Variants in KIRREL3 observed in about 807,000 individuals in gnomAD.
The protein encoded by KIRREL3 is kirre like nephrin family adhesion molecule 3.
KIRREL3 carries 36 observed loss-of-function variants against 89.7 expected under a neutral mutation model. That is an observed-to-expected ratio of 0.40 (90% CI 0.31 to 0.53). The LOEUF is 0.53. Among genes scored for constraint, KIRREL3 ranks in the 20% least tolerant of loss-of-function variants. The pLI is 0.49. For missense variants in KIRREL3, 864 were observed against 1,056.6 expected, an observed-to-expected ratio of 0.82 and a Z score of 2.53; for synonymous variants, 445 against 441.4, an observed-to-expected ratio of 1.01 and a Z score of -0.10.
At chr11:126,951,492 G>A (rs1240374698) in intron 1 of KIRREL3, among the ~76,000 whole-genome samples, 2 of 152,172 alleles carry the variant, frequency 1.3e-5, no homozygotes, top group Non-Finnish European at 2.9e-5. Context: ...GTATCAGGAG[G>A]AGATTATCGG....
rs1161353046 is a variant in KIRREL3, at chr11:126,515,279, C to CA, written c.433+6035dup. Among the ~76,000 whole-genome samples, 1 of 150,996 alleles carries CA rather than the reference C, an allele frequency of 6.6e-6. No homozygotes were observed. ...TCTACAAAAACAAAACAGAACAAAA[C>CA]AAAAAAACAAACAAACAAAAATTAG... On this transcript the variant is annotated intron_variant, in intron 4 of 16. Coordinates refer to ENST00000525144, the MANE Select transcript of KIRREL3 (RefSeq NM_032531.4). The surrounding 1 kb of genome is among the most constrained non-coding windows in gnomAD (Gnocchi z 4.2).
Position 126,624,474 on chromosome 11 carries a change from A to G in KIRREL3, c.56-61562T>C, listed in dbSNP as rs1214652917. Among the ~76,000 whole-genome samples, 4 of 152,202 alleles carry G rather than the reference A, an allele frequency of 2.6e-5. No individual in the cohort carries two copies. The highest frequency in any genetic ancestry group is 4.1e-4 in the South Asian group (2 of 4,836). ...TGGAAAGACCAAGAATTTGTGGTTCATTTCTAGCAGGTGAACAAATGTATG... is the reference window on the plus strand; with the variant it reads ...TGGAAAGACCAAGAATTTGTGGTTCGTTTCTAGCAGGTGAACAAATGTATG... On this transcript the variant is annotated intron_variant, in intron 1 of 16. Transcript: ENST00000525144. This position sits in a 1 kb window ranked among gnomAD's most constrained non-coding sequence, Gnocchi z 6.0.
chr11:126,582,159 C>T (rs1047772802), intron 1 of KIRREL3, among the ~76,000 whole-genome samples: 12 of 152,186 alleles, frequency 7.9e-5, no homozygotes, highest in Non-Finnish European at 1.0e-4. Context: ...CTGAGCCAAT[C>T]GTGGAGCCTC....
chr11:126,678,599 C>CAAAAAAAAAAAAA (rs59342253), intron 1 of KIRREL3, among the ~76,000 whole-genome samples: 694 of 50,042 alleles, frequency 0.014, 105 homozygotes, highest in Non-Finnish European at 0.016. Flanking sequence ...GACTCTGTCT[C>CAAAAAAAAAAAAA]AAAAAAAAAA....
Position 126,429,323 on chromosome 11 carries a change from T to G in KIRREL3, c.1697-35A>C. Reference sequence around the variant, plus strand: ...AAATAGTAAAGTGTAGATGATAGATTTAGTTCTTACCTTTGAGATGTCAAG... The same window carrying G: ...AAATAGTAAAGTGTAGATGATAGATGTAGTTCTTACCTTTGAGATGTCAAG... On this transcript the variant is annotated intron_variant, in intron 14 of 16. Coordinates refer to ENST00000525144, the MANE Select transcript of KIRREL3 (RefSeq NM_032531.4). This position sits in a 1 kb window ranked among gnomAD's most constrained non-coding sequence, Gnocchi z 5.2. 6.8e-7 allele frequency: 1 copy of G among 1,473,462 alleles called. No individual in the cohort carries two copies. The allele number at this position is 1,473,462 out of a possible 1,614,324, so 91.3% of individuals were successfully genotyped here. A position where few individuals can be genotyped will look rare whatever the true frequency, so the allele number is the denominator to read the frequency against.
intron 1 of KIRREL3, among the ~76,000 whole-genome samples, chr11:126,701,363 A>G (rs906812986): frequency 6.6e-6 from 1 of 152,122 alleles, no homozygotes; most frequent in Non-Finnish European, 1.5e-5. Flanking sequence ...GGATTCTCTC[A>G]GTCTTGGTGA....
rs1947655727 is a variant in KIRREL3 at position 126,709,115 on chromosome 11, C to T, written c.56-146203G>A. On this transcript the variant is annotated intron_variant, in intron 1 of 16. Coordinates refer to ENST00000525144, the MANE Select transcript of KIRREL3 (RefSeq NM_032531.4). The surrounding 1 kb of genome is among the most constrained non-coding windows in gnomAD (Gnocchi z 4.0). ...GGAGAGCCTACACTGTGCTGGGTCA[C>T]TGTGTTACGCTATGTGCTTGTTTCA... Among the ~76,000 whole-genome samples, 1 of 152,208 alleles carries T rather than the reference C, an allele frequency of 6.6e-6. No individual in the cohort carries two copies. Among genetic ancestry groups the T allele is most frequent in the Non-Finnish European group, 1.5e-5 (1 of 68,048 alleles).
At chr11:126,821,347 A>ATATATATATATATATATATATATATATG (rs1344371968) in intron 1 of KIRREL3, among the ~76,000 whole-genome samples, 8 of 115,926 alleles carry the variant, frequency 6.9e-5, no homozygotes, top group African/African-American at 2.4e-4. Context: ...ATATATATAT[A>ATATATATATATATATATATATATATATG]TATATGTAAC....
intron 10 of KIRREL3, among the ~76,000 whole-genome samples, chr11:126,442,852 T>A (rs1166634950): frequency 6.6e-6 from 1 of 152,204 alleles, no homozygotes; most frequent in Non-Finnish European, 1.5e-5. Flanking sequence ...TTTGCTTCCC[T>A]CCAATCCCTC....
intron 6 of KIRREL3, among the ~76,000 whole-genome samples, chr11:126,460,918 T>G (rs368400094): frequency 1.3e-5 from 2 of 152,230 alleles, no homozygotes; most frequent in Non-Finnish European, 2.9e-5. Flanking sequence ...ACAGGCCTCC[T>G]GATCAGGTTG....
At chr11:126,913,334 C>T (rs1592341455) in intron 1 of KIRREL3, among the ~76,000 whole-genome samples, 4 of 152,226 alleles carry the variant, frequency 2.6e-5, no homozygotes, top group Admixed American at 2.6e-4. Flanking sequence ...GGCTATTTAA[C>T]CTCCTCATCA....
chr11:126,658,746 C>T (rs1373920259), intron 1 of KIRREL3, among the ~76,000 whole-genome samples: 1 of 152,186 alleles, frequency 6.6e-6, no homozygotes, highest in African/African-American at 2.4e-5. Context: ...CTTCCACTTC[C>T]TGCTCCTCCG....
rs1298665410 is a variant in KIRREL3, at chr11:126,755,880, G to GAC, written c.56-192969_56-192968insGT. 1.3e-5 allele frequency among the ~76,000 whole-genome samples: 2 copies of GAC among 148,574 alleles called. No homozygotes were observed. The highest frequency in any genetic ancestry group is 2.5e-5 in the African/African-American group (1 of 39,758). On this transcript the variant is annotated intron_variant, in intron 1 of 16. Transcript: ENST00000525144. The surrounding 1 kb of genome is among the most constrained non-coding windows in gnomAD (Gnocchi z 4.3). The stretch of plus-strand genomic sequence containing the variant: ...GGGAGAGAGGGAGAGAGAAAAAACA[G>GAC]AGAGAGAGAGAGAGAGAGAAGACTG...
At chr11:126,838,106 G>C (rs1314185703) in intron 1 of KIRREL3, among the ~76,000 whole-genome samples, 1 of 152,118 alleles carries the variant, frequency 6.6e-6, no homozygotes. Flanking sequence ...AAGGTAATAA[G>C]ATACAGCAAC....
rs570767289 is a variant in KIRREL3, at chr11:126,567,821, C to T, written c.56-4909G>A. ...CAGCACTTGCTGGTTGCCTGGTTGCCCTGTTCAGACATTAATGTGCCCTCA... is the reference window on the plus strand; with the variant it reads ...CAGCACTTGCTGGTTGCCTGGTTGCTCTGTTCAGACATTAATGTGCCCTCA... On this transcript the variant is annotated intron_variant, in intron 1 of 16. Coordinates refer to ENST00000525144, the MANE Select transcript of KIRREL3 (RefSeq NM_032531.4). Among the ~76,000 whole-genome samples the T allele has an allele frequency of 1.7e-4, 26 of 152,230 alleles. No individual in the cohort carries two copies. In the South Asian group the frequency reaches 5.4e-3, roughly 32 times the overall value.
chr11:126,690,024 C>T (rs1329332146), intron 1 of KIRREL3, among the ~76,000 whole-genome samples: 1 of 152,184 alleles, frequency 6.6e-6, no homozygotes, highest in Non-Finnish European at 1.5e-5. Flanking sequence ...CTTGCAGTAT[C>T]TCCTAAGTCA....
chr11:126,485,907 G>A lies in KIRREL3; in HGVS notation c.434-12441C>T, dbSNP rs141568682. 2.0e-4 allele frequency among the ~76,000 whole-genome samples: 31 copies of A among 152,358 alleles called. No individual in the cohort carries two copies. The highest frequency in any genetic ancestry group is 4.8e-4 in the African/African-American group (20 of 41,586). On this transcript the variant is annotated intron_variant, in intron 4 of 16. Coordinates refer to ENST00000525144, the MANE Select transcript of KIRREL3 (RefSeq NM_032531.4). The surrounding 1 kb of genome is among the most constrained non-coding windows in gnomAD (Gnocchi z 5.8). ...CTTTAGGCAGGAGACCCCAAGGGAGGGAGGGCTAGTCCAGTGGGCCAGGGA... is the reference window on the plus strand; with the variant it reads ...CTTTAGGCAGGAGACCCCAAGGGAGAGAGGGCTAGTCCAGTGGGCCAGGGA...
chr11:126,609,302 G>A lies in KIRREL3; in HGVS notation c.56-46390C>T, dbSNP rs1943022754. On this transcript the variant is annotated intron_variant, in intron 1 of 16. Coordinates refer to ENST00000525144, the MANE Select transcript of KIRREL3 (RefSeq NM_032531.4). The surrounding 1 kb of genome is among the most constrained non-coding windows in gnomAD (Gnocchi z 5.0). Reference sequence around the variant, plus strand: ...TTAGCCTCTTGCAGAGAGGGCTAATGTATGTCTTCCCCCCGGGCTGGTGGC... The same window carrying A: ...TTAGCCTCTTGCAGAGAGGGCTAATATATGTCTTCCCCCCGGGCTGGTGGC... 6.6e-6 allele frequency among the ~76,000 whole-genome samples: 1 copy of A among 152,182 alleles called. No homozygotes were observed. Among genetic ancestry groups the A allele is most frequent in the Non-Finnish European group, 1.5e-5 (1 of 68,034 alleles).
At chr11:126,650,586 A>G (rs1264161821) in intron 1 of KIRREL3, among the ~76,000 whole-genome samples, 1 of 152,212 alleles carries the variant, frequency 6.6e-6, no homozygotes, top group Non-Finnish European at 1.5e-5. Flanking sequence ...CTCCATTTCC[A>G]AACAAGTTCC....
Sources: allele counts gnomAD v4.1 joint callset (sites outside exome capture counted in the v4.1 genomes callset), GRCh38; gene constraint gnomAD v4.1.1; non-coding constraint Gnocchi (gnomAD v3.1); transcripts MANE v1.5; gene names NCBI Gene and HGNC (gene_info 2026-07-23, HGNC 2026-07-21).